MDGA2: variants seen among roughly 807,000 people sequenced by gnomAD.
MDGA2 encodes the protein MAM domain-containing glycosylphosphatidylinositol anchor protein 2.
A neutral mutation model predicts 117.8 loss-of-function variants in MDGA2; 40 were observed. That is an observed-to-expected ratio of 0.34 (90% confidence interval 0.26 to 0.44). The LOEUF (loss-of-function observed/expected upper bound fraction) is 0.44, where lower values mean the gene tolerates loss of function less well. MDGA2 is among the 20% of genes least tolerant of loss of function. MDGA2 has a pLI of 1.00. For missense variants in MDGA2, 1,123 were observed against 1,250.6 expected (o/e 0.90, Z 1.54); for synonymous variants, 452 against 439.0 (o/e 1.03, Z -0.37).
At chr14:47,146,119 T>C (rs1283698135) in intron 3 of MDGA2, among the ~76,000 whole-genome samples, 1 of 152,200 alleles carries the variant, frequency 6.6e-6, no homozygotes, top group Non-Finnish European at 1.5e-5. Flanking sequence ...CTCTCTGATG[T>C]GTTAACATAA....
At chr14:47,462,376 A>C (rs78197830) in intron 1 of MDGA2, among the ~76,000 whole-genome samples, 20 of 60,918 alleles carry the variant, frequency 3.3e-4, no homozygotes, top group East Asian at 3.0e-3. Context: ...ACTCCGTCCC[A>C]AAAAAAAAAA....
At chr14:46,895,999 C>T (rs1883062138) in intron 10 of MDGA2, among the ~76,000 whole-genome samples, 1 of 152,002 alleles carries the variant, frequency 6.6e-6, no homozygotes, top group South Asian at 2.1e-4. Context: ...TGAGTCATTG[C>T]TCTTTTGTAA....
At chr14:47,187,422 GT>G (rs1884950805) in intron 3 of MDGA2, among the ~76,000 whole-genome samples, 1 of 151,900 alleles carries the variant, frequency 6.6e-6, no homozygotes, top group Non-Finnish European at 1.5e-5. Context: ...TTCAGGAAAG[GT>G]GACTTACATG....
chr14:47,325,247 C>A (rs1890109909), intron 1 of MDGA2, among the ~76,000 whole-genome samples: 2 of 152,102 alleles, frequency 1.3e-5, no homozygotes, highest in Admixed American at 1.3e-4. Flanking sequence ...ACACTGAAGT[C>A]ATTCATCAAA....
At position 47,297,996 on chromosome 14, in the gene MDGA2, T is replaced by TTGTATATATATGAATATG. The variant is rs1411617254; in HGVS notation, c.420+3397_420+3414dup. Among the ~76,000 whole-genome samples the TTGTATATATATGAATATG allele has an allele frequency of 5.9e-5, 9 of 152,292 alleles. No homozygotes were observed. In the South Asian group the frequency reaches 1.9e-3, roughly 32 times the overall value. On this transcript the variant is annotated intron_variant, in intron 2 of 16. Coordinates refer to ENST00000399232, the MANE Select transcript of MDGA2 (RefSeq NM_001113498.3). Reference sequence around the variant, plus strand: ...TATAGTTGTATTTGTATGTGTGTGTTTGTATATATATGAATATGTGTATAT... The same window carrying TTGTATATATATGAATATG: ...TATAGTTGTATTTGTATGTGTGTGTTTGTATATATATGAATATGTGTATATATATGAATATGTGTATAT...
chr14:47,200,821 A>C, intron 3 of MDGA2: 1 of 800,430 alleles, frequency 1.2e-6, no homozygotes. Context: ...CCTTCAGGGC[A>C]GCAGGAGCCA....
intron 1 of MDGA2, among the ~76,000 whole-genome samples, chr14:47,356,864 G>A (rs796549758): frequency 6.6e-6 from 1 of 152,264 alleles, no homozygotes; most frequent in African/African-American, 2.4e-5. Flanking sequence ...ATGGGGACTC[G>A]ATAGACCCTA....
At chr14:47,388,381 G>A (rs1422890298) in intron 1 of MDGA2, among the ~76,000 whole-genome samples, 1 of 152,148 alleles carries the variant, frequency 6.6e-6, no homozygotes, top group Non-Finnish European at 1.5e-5. Context: ...AACTGTTTCA[G>A]ACTCTATTAT....
chr14:47,002,370 AT>A (rs1377812719), intron 8 of MDGA2, among the ~76,000 whole-genome samples: 2 of 152,060 alleles, frequency 1.3e-5, no homozygotes, highest in Non-Finnish European at 2.9e-5. Flanking sequence ...TTAGGACAAA[AT>A]ATCTGTTGTG....
intron 1 of MDGA2, among the ~76,000 whole-genome samples, chr14:47,343,536 T>C (rs2138330321): frequency 6.6e-6 from 1 of 152,290 alleles, no homozygotes. Flanking sequence ...TTTAGCTTTA[T>C]CTTCAGTTGA....
chr14:47,519,063 G>A (rs1894814681), intron 1 of MDGA2, among the ~76,000 whole-genome samples: 1 of 152,030 alleles, frequency 6.6e-6, no homozygotes, highest in African/African-American at 2.4e-5. Context: ...AATTGGCCAG[G>A]AGTGGTGGTG....
At chr14:47,645,653 A>G (rs916084001) in intron 1 of MDGA2, among the ~76,000 whole-genome samples, 2 of 152,112 alleles carry the variant, frequency 1.3e-5, no homozygotes, top group African/African-American at 2.4e-5. Context: ...ATTATTATAC[A>G]TTTTTTTAAG....
Position 47,394,144 on chromosome 14 carries a change from A to ATGCTACACATTT in MDGA2, c.281-92606_281-92595dup, listed in dbSNP as rs1232197207. Among the ~76,000 whole-genome samples, 25 of 152,184 alleles carry ATGCTACACATTT rather than the reference A, an allele frequency of 1.6e-4. 1 individual carries two copies. Among genetic ancestry groups the ATGCTACACATTT allele is most frequent in the African/African-American group, 5.8e-4 (24 of 41,456 alleles). On this transcript the variant is annotated intron_variant, in intron 1 of 16. Coordinates refer to ENST00000399232, the MANE Select transcript of MDGA2 (RefSeq NM_001113498.3). ...ACAATAAAAAATTTTTATAATAAAAATGCTACACATTTGTTAGCATGTGGC... is the reference window on the plus strand; with the variant it reads ...ACAATAAAAAATTTTTATAATAAAAATGCTACACATTTTGCTACACATTTGTTAGCATGTGGC...
intron 14 of MDGA2, among the ~76,000 whole-genome samples, chr14:46,862,922 G>T (rs1349323580): frequency 6.6e-6 from 1 of 151,946 alleles, no homozygotes; most frequent in Admixed American, 6.6e-5. Flanking sequence ...AATGAAAAAT[G>T]CCAGTTTATT....
In MDGA2 at chr14:47,035,317, A is replaced by G; in HGVS notation, c.1526-13T>C. 1 of 1,598,114 alleles carries G rather than the reference A, an allele frequency of 6.3e-7. No homozygotes were observed. Among genetic ancestry groups the G allele is most frequent in the Non-Finnish European group, 8.5e-7 (1 of 1,172,490 alleles). On this transcript the variant is annotated splice_polypyrimidine_tract_variant and intron_variant, in intron 7 of 16. Transcript: ENST00000399232. The stretch of plus-strand genomic sequence containing the variant: ...AGATTGGGTGGAACTTGAAATGGGA[A>G]AAAGAAAATTTTTCAAGGTTAGTAT...
intron 8 of MDGA2, among the ~76,000 whole-genome samples, chr14:47,026,432 T>C (rs548361942): frequency 6.6e-6 from 1 of 152,254 alleles, no homozygotes; most frequent in African/African-American, 2.4e-5. Flanking sequence ...CATGGGTCTT[T>C]GATTAGAAAA....
chr14:46,988,871 C>T (rs551040627), intron 8 of MDGA2, among the ~76,000 whole-genome samples: 53 of 151,908 alleles, frequency 3.5e-4, no homozygotes, highest in East Asian at 1.7e-3. Context: ...TAGTAGCATG[C>T]GCAACAGAAT....
intron 1 of MDGA2, among the ~76,000 whole-genome samples, chr14:47,521,961 C>T (rs1009858623): frequency 6.6e-6 from 1 of 152,026 alleles, no homozygotes; most frequent in Non-Finnish European, 1.5e-5. Flanking sequence ...CGTGAACCAC[C>T]GCACCCAGCC....
chr14:46,849,361 C>T (rs1475009371), intron 15 of MDGA2, among the ~76,000 whole-genome samples: 1 of 151,770 alleles, frequency 6.6e-6, no homozygotes, highest in Non-Finnish European at 1.5e-5. Flanking sequence ...TTGAATTTCA[C>T]CAATAAATAT....
Sources: allele counts gnomAD v4.1 joint callset (sites outside exome capture counted in the v4.1 genomes callset), GRCh38; gene constraint gnomAD v4.1.1; transcripts MANE v1.5; gene names NCBI Gene and HGNC (gene_info 2026-07-23, HGNC 2026-07-21).